CNTNAP2: variants seen among roughly 807,000 people sequenced by gnomAD.
CNTNAP2 encodes the protein contactin-associated protein-like 2.
CNTNAP2 carries 98 observed loss-of-function variants against 155.2 expected under a neutral mutation model. The observed-to-expected ratio is 0.63, with a 90% confidence interval of 0.54 to 0.75. The LOEUF is 0.75. CNTNAP2 is among the 30% of genes least tolerant of loss of function. CNTNAP2 has a pLI of 0.00. For missense variants in CNTNAP2, 1,727 were observed against 1,688.1 expected (o/e 1.02, Z -0.40); for synonymous variants, 651 against 631.2 (o/e 1.03, Z -0.47).
intron 1 of CNTNAP2, among the ~76,000 whole-genome samples, chr7:146,336,684 A>G (rs1424338492): frequency 6.6e-6 from 1 of 152,200 alleles, no homozygotes; most frequent in African/African-American, 2.4e-5. Context: ...AAAAACTAAA[A>G]TACTCCTCAA....
chr7:146,158,164 C>G (rs963848943), intron 1 of CNTNAP2, among the ~76,000 whole-genome samples: 1 of 152,184 alleles, frequency 6.6e-6, no homozygotes, highest in East Asian at 1.9e-4. Context: ...CAGACCAGCA[C>G]CTGAGGGTCC....
At chr7:148,211,409 G>A (rs1053604889) in intron 18 of CNTNAP2, among the ~76,000 whole-genome samples, 3 of 152,220 alleles carry the variant, frequency 2.0e-5, no homozygotes, top group Admixed American at 6.5e-5. Context: ...CTCAATAAAT[G>A]TGGTTTGCTT....
intron 18 of CNTNAP2, among the ~76,000 whole-genome samples, chr7:148,191,816 A>G (rs543838635): frequency 2.0e-5 from 3 of 152,320 alleles, no homozygotes; most frequent in African/African-American, 7.2e-5. Context: ...TGGGAGACAA[A>G]AACATCTGGT....
chr7:146,578,783 C>A (rs1162104060), intron 1 of CNTNAP2, among the ~76,000 whole-genome samples: 1 of 152,116 alleles, frequency 6.6e-6, no homozygotes, highest in Non-Finnish European at 1.5e-5. Context: ...CTCCTTACCA[C>A]ATGTTATGCA....
At chr7:146,596,467 G>A (rs1798859673) in intron 1 of CNTNAP2, among the ~76,000 whole-genome samples, 1 of 151,888 alleles carries the variant, frequency 6.6e-6, no homozygotes, top group African/African-American at 2.4e-5. Context: ...AGCTGATGAG[G>A]CTAAGCCCTA....
At chr7:146,205,157 T>G (rs917411482) in intron 1 of CNTNAP2, among the ~76,000 whole-genome samples, 2 of 152,000 alleles carry the variant, frequency 1.3e-5, no homozygotes, top group Non-Finnish European at 2.9e-5. Context: ...CAAGAACACA[T>G]TTATTATTGT....
chr7:146,274,629 A>G (rs1449740782), intron 1 of CNTNAP2, among the ~76,000 whole-genome samples: 1 of 152,132 alleles, frequency 6.6e-6, no homozygotes, highest in Non-Finnish European at 1.5e-5. Flanking sequence ...CCACCCCATT[A>G]AAGTTCTTCA....
intron 3 of CNTNAP2, among the ~76,000 whole-genome samples, chr7:147,013,131 A>G (rs1563043765): frequency 6.6e-6 from 1 of 152,132 alleles, no homozygotes; most frequent in Non-Finnish European, 1.5e-5. Context: ...TATGATAGCA[A>G]GTATGTTGTA....
chr7:146,858,721 A>G (rs1795040165), intron 3 of CNTNAP2, among the ~76,000 whole-genome samples: 1 of 152,180 alleles, frequency 6.6e-6, no homozygotes, highest in Non-Finnish European at 1.5e-5. Flanking sequence ...AATGAACTAT[A>G]AAATTTAGCT....
At chr7:146,847,673 AT>A (rs1159291663) in intron 3 of CNTNAP2, among the ~76,000 whole-genome samples, 1 of 152,126 alleles carries the variant, frequency 6.6e-6, no homozygotes, top group Non-Finnish European at 1.5e-5. Flanking sequence ...CTATTAGTGT[AT>A]TGGTGTGTGT....
intron 13 of CNTNAP2, among the ~76,000 whole-genome samples, chr7:147,813,907 A>T (rs1024229118): frequency 6.6e-6 from 1 of 152,114 alleles, no homozygotes; most frequent in South Asian, 2.1e-4. Context: ...TTCCTTTGTG[A>T]TGTAAATTGT....
intron 1 of CNTNAP2, among the ~76,000 whole-genome samples, chr7:146,489,526 A>G (rs1331646946): frequency 6.6e-6 from 1 of 152,062 alleles, no homozygotes; most frequent in South Asian, 2.1e-4. Context: ...TTCTCAGCCA[A>G]TTTGCCAACT....
intron 1 of CNTNAP2, among the ~76,000 whole-genome samples, chr7:146,120,602 C>G (rs1797547609): frequency 2.0e-5 from 3 of 152,024 alleles, no homozygotes; most frequent in African/African-American, 7.2e-5. Context: ...GTTATGTGCC[C>G]CATAATGACA....
In CNTNAP2 at chr7:146,684,914, G is replaced by C. The variant is rs58559182; in HGVS notation, c.98-89357G>C. On this transcript the variant is annotated intron_variant, in intron 1 of 23. Transcript: ENST00000361727. The stretch of plus-strand genomic sequence containing the variant: ...AAGCCATGGATTTGGCTTTCAGATG[G>C]TGTCAATTAAATAATGTAAGCTAAA... Among the ~76,000 whole-genome samples the C allele has an allele frequency of 3.5e-3, 532 of 152,184 alleles. 4 individuals carry two copies. The highest frequency in any genetic ancestry group is 0.012 in the African/African-American group (510 of 41,530).
intron 13 of CNTNAP2, among the ~76,000 whole-genome samples, chr7:147,805,105 T>C (rs1220249237): frequency 2.0e-5 from 3 of 151,886 alleles, no homozygotes; most frequent in Admixed American, 1.3e-4. Flanking sequence ...GAGCCTGAGT[T>C]TTGTTGCCCA....
At chr7:146,673,384 C>A (rs1441449103) in intron 1 of CNTNAP2, among the ~76,000 whole-genome samples, 1 of 152,122 alleles carries the variant, frequency 6.6e-6, no homozygotes, top group East Asian at 1.9e-4. Flanking sequence ...TATTTACATT[C>A]TATATATAAT....
chr7:147,935,951 A>ATATAAGCT (rs1157455140), intron 14 of CNTNAP2, among the ~76,000 whole-genome samples: 14 of 152,310 alleles, frequency 9.2e-5, no homozygotes, highest in Non-Finnish European at 1.2e-4. Context: ...GCTTGCTATA[A>ATATAAGCT]ACTCTTATAT....
intron 14 of CNTNAP2, among the ~76,000 whole-genome samples, chr7:147,961,607 A>G (rs1054942544): frequency 3.9e-5 from 6 of 152,174 alleles, no homozygotes; most frequent in African/African-American, 9.6e-5. Flanking sequence ...GAACATTTCT[A>G]TTGGGCAATA....
At chr7:146,623,104 CAG>C (rs1398672297) in intron 1 of CNTNAP2, among the ~76,000 whole-genome samples, 1 of 151,918 alleles carries the variant, frequency 6.6e-6, no homozygotes, top group Non-Finnish European at 1.5e-5. Context: ...CTTTGTCAAA[CAG>C]AGAACAGGAT....
Sources: gnomAD v4.1 joint callset for allele counts (sites outside exome capture counted in the v4.1 genomes callset) on GRCh38, gnomAD v4.1.1 for gene constraint, MANE v1.5 for transcripts, NCBI Gene and HGNC (gene_info 2026-07-23, HGNC 2026-07-21) for gene names.